Variants in PAK5 observed in about 807,000 individuals in gnomAD.
PAK5 encodes p21 (RAC1) activated kinase 5.
In PAK5, 16 loss-of-function variants were observed where a neutral mutation model predicts 65.9. The ratio of observed to expected loss-of-function variants is 0.24; its 90% CI spans 0.16 to 0.37. The LOEUF is 0.37. Among genes scored for constraint, PAK5 ranks in the 10% least tolerant of loss-of-function variants. The pLI is 1.00. For synonymous variants in PAK5, 371 were observed against 354.9 expected, an observed-to-expected ratio of 1.05 and a Z score of -0.51; for missense variants, 785 against 903.9, an observed-to-expected ratio of 0.87 and a Z score of 1.69.
chr20:9,778,106 T>A (rs1203876597), intron 1 of PAK5, among the ~76,000 whole-genome samples: 1 of 152,236 alleles, frequency 6.6e-6, no homozygotes, highest in Non-Finnish European at 1.5e-5. Flanking sequence ...CTTGTGTTTA[T>A]TGTTATTTTT....
intron 2 of PAK5, among the ~76,000 whole-genome samples, chr20:9,686,231 T>C (rs191551143): frequency 3.5e-4 from 54 of 152,302 alleles, no homozygotes; most frequent in African/African-American, 1.2e-3. Context: ...TGCCCTTCTC[T>C]GTGCCTCAGA....
intron 3 of PAK5, among the ~76,000 whole-genome samples, chr20:9,601,682 G>A (rs1174540440): frequency 5.3e-5 from 8 of 152,164 alleles, no homozygotes; most frequent in Non-Finnish European, 1.2e-4. Context: ...TTGGCCACGT[G>A]TCTTGTTTTG....
rs974737381 is a variant in PAK5 at position 9,636,128 on chromosome 20, A to G, written c.204+7997T>C. Among the ~76,000 whole-genome samples, 6 of 152,216 alleles carry G rather than the reference A, an allele frequency of 3.9e-5. No individual in the cohort carries two copies. The East Asian group carries it at 1.2e-3, about 29-fold the overall frequency. ...GGTCAAAGGGAAATAATGCTAGAAA[A>G]TGTCAGATAGTTGCCCTGTATTTTG... is the stretch of plus-strand genomic sequence containing the variant. On this transcript the variant is annotated intron_variant, in intron 3 of 9. Coordinates refer to ENST00000353224, the MANE Select transcript of PAK5 (RefSeq NM_177990.4).
At chr20:9,711,724 C>A (rs756004590) in intron 1 of PAK5, among the ~76,000 whole-genome samples, 13 of 152,054 alleles carry the variant, frequency 8.5e-5, no homozygotes, top group Non-Finnish European at 1.3e-4. Context: ...GATGGTGAAC[C>A]TTGTGGGGCC....
chr20:9,795,797 C>T (rs1432910866), intron 1 of PAK5, among the ~76,000 whole-genome samples: 1 of 151,796 alleles, frequency 6.6e-6, no homozygotes, highest in African/African-American at 2.4e-5. Flanking sequence ...CAGTAGAAAT[C>T]CTGGAAACTC....
intron 2 of PAK5, among the ~76,000 whole-genome samples, chr20:9,663,473 G>GA (rs1176136381): frequency 6.6e-6 from 1 of 151,966 alleles, no homozygotes; most frequent in Non-Finnish European, 1.5e-5. Flanking sequence ...TCAAATCTTT[G>GA]AAAAATGCCA....
chr20:9,586,363 C>G (rs1432582820), intron 3 of PAK5, among the ~76,000 whole-genome samples: 1 of 152,056 alleles, frequency 6.6e-6, no homozygotes, highest in Non-Finnish European at 1.5e-5. Flanking sequence ...ACACTAAAAC[C>G]CTTCCAATTT....
chr20:9,618,946 T>TTTTTTTTTC (rs1569002796), intron 3 of PAK5, among the ~76,000 whole-genome samples: 1 of 134,148 alleles, frequency 7.5e-6, no homozygotes, highest in Non-Finnish European at 1.6e-5. Context: ...TTTTTTTTTT[T>TTTTTTTTTC]TTTAATCTCA....
At chr20:9,835,145 C>G (rs1452258573) in intron 1 of PAK5, among the ~76,000 whole-genome samples, 1 of 152,178 alleles carries the variant, frequency 6.6e-6, no homozygotes, top group Non-Finnish European at 1.5e-5. Context: ...CAGGAAAATG[C>G]TATGAGGCAG....
At chr20:9,560,255 C>T (rs2045571993) in intron 6 of PAK5, among the ~76,000 whole-genome samples, 1 of 152,170 alleles carries the variant, frequency 6.6e-6, no homozygotes, top group Non-Finnish European at 1.5e-5. Context: ...TACTTCTTTC[C>T]TATAGGAAAA....
In PAK5 at chr20:9,745,875, T is replaced by TAA. The variant is rs5840329; in HGVS notation, c.-161-34442_-161-34441dup. 1.8e-3 allele frequency among the ~76,000 whole-genome samples: 272 copies of TAA among 150,808 alleles called. 1 individual carries two copies. Among genetic ancestry groups the TAA allele is most frequent in the African/African-American group, 6.1e-3 (250 of 41,116 alleles). The stretch of plus-strand genomic sequence containing the variant: ...GAAGGGGGAATGCCAATGTAACAAC[T>TAA]AAAAAAAAAGAGAAATATGAATCCA... On this transcript the variant is annotated intron_variant, in intron 1 of 9. Transcript: ENST00000353224.
At chr20:9,689,017 A>G (rs1466552141) in intron 2 of PAK5, among the ~76,000 whole-genome samples, 2 of 152,178 alleles carry the variant, frequency 1.3e-5, no homozygotes, top group Non-Finnish European at 2.9e-5. Context: ...AATCATTAGA[A>G]AATAGTCCCA....
chr20:9,832,438 AT>A (rs1309930693), intron 1 of PAK5, among the ~76,000 whole-genome samples: 2 of 151,838 alleles, frequency 1.3e-5, no homozygotes, highest in Admixed American at 6.6e-5. Flanking sequence ...ACACCCAGCT[AT>A]TTTTTTGTAT....
At chr20:9,735,902 ATTT>A (rs36113165) in intron 1 of PAK5, among the ~76,000 whole-genome samples, 3 of 136,980 alleles carry the variant, frequency 2.2e-5, no homozygotes, top group Non-Finnish European at 3.2e-5. Flanking sequence ...GAAACAATCT[ATTT>A]TTTTTTTTTT....
At chr20:9,696,093 G>A (rs186198790) in intron 2 of PAK5, among the ~76,000 whole-genome samples, 58 of 152,158 alleles carry the variant, frequency 3.8e-4, no homozygotes, top group African/African-American at 1.2e-3. Flanking sequence ...TGTGGCCAGT[G>A]GCTACCATAC....
chr20:9,653,208 G>A (rs997670717), intron 2 of PAK5, among the ~76,000 whole-genome samples: 8 of 152,156 alleles, frequency 5.3e-5, no homozygotes, highest in Non-Finnish European at 8.8e-5. Flanking sequence ...ATAGCAAAGA[G>A]AAAATCATGG....
intron 2 of PAK5, among the ~76,000 whole-genome samples, chr20:9,681,485 A>G (rs1021461890): frequency 7.9e-5 from 12 of 152,212 alleles, no homozygotes; most frequent in Middle Eastern, 3.4e-3. Flanking sequence ...TTTTTGGGTC[A>G]ATCAAGTATT....
intron 3 of PAK5, among the ~76,000 whole-genome samples, chr20:9,602,880 T>C (rs1287737510): frequency 6.6e-6 from 1 of 152,202 alleles, no homozygotes; most frequent in Non-Finnish European, 1.5e-5. Context: ...CTACTCTAAC[T>C]AGAAAATAAC....
chr20:9,798,533 G>A (rs62192917), intron 1 of PAK5, among the ~76,000 whole-genome samples: 10,730 of 152,094 alleles, frequency 0.071, 520 homozygotes, highest in South Asian at 0.2. Flanking sequence ...GGTGGTTTCT[G>A]TTTTCTCAAA....
Sources: gnomAD v4.1 joint callset for allele counts (sites outside exome capture counted in the v4.1 genomes callset) on GRCh38, gnomAD v4.1.1 for gene constraint, MANE v1.5 for transcripts, NCBI Gene and HGNC (gene_info 2026-07-23, HGNC 2026-07-21) for gene names.